Variants in PCDHGA5 observed in about 807,000 individuals in gnomAD.
PCDHGA5 encodes protocadherin gamma-A5.
Under a neutral mutation model 56.7 loss-of-function variants are expected in PCDHGA5, and 36 were observed. That is an observed-to-expected ratio of 0.64 (90% confidence interval 0.49 to 0.84). The LOEUF (loss-of-function observed/expected upper bound fraction) is 0.84, where lower values mean the gene tolerates loss of function less well. PCDHGA5 is among the 40% of genes least tolerant of loss of function. The pLI is 0.00. For synonymous variants in PCDHGA5, 563 were observed against 520.2 expected (o/e 1.08, Z -1.12); for missense variants, 1,305 against 1,201.5 (o/e 1.09, Z -1.27).
intron 1 of PCDHGA5, among the ~76,000 whole-genome samples, chr5:141,468,216 T>C (rs2099160325): frequency 6.6e-6 from 1 of 150,794 alleles, no homozygotes. Flanking sequence ...TTCCAGCTAC[T>C]TGGGAGGATG....
chr5:141,393,250 C>G, intron 1 of PCDHGA5: 11 of 1,613,824 alleles, frequency 6.8e-6, no homozygotes, highest in South Asian at 1.1e-5. Flanking sequence ...AACGAAATCG[C>G]GGTTCCTGGA....
rs748972821 is a variant in PCDHGA5 at position 141,476,094 on chromosome 5, GAGAGGAACT to G, written c.2422-18712_2422-18704del. ...TCTCAGGGACGATCTGGACCCCGCT[GAGAGGAACT>G]GCTTTTGAGTGAGATGGTCCCAGAG... is the stretch of plus-strand genomic sequence containing the variant. On this transcript the variant is annotated intron_variant, in intron 1 of 3. Coordinates refer to ENST00000518069, the MANE Select transcript of PCDHGA5 (RefSeq NM_018918.3). This position sits in a 1 kb window ranked among gnomAD's most constrained non-coding sequence, Gnocchi z 7.6. 6.4e-7 allele frequency: 1 copy of G among 1,568,172 alleles called. No individual in the cohort carries two copies. The highest frequency in any genetic ancestry group is 1.2e-5 in the South Asian group (1 of 85,292).
intron 1 of PCDHGA5, chr5:141,402,843 G>A (rs1370040306): frequency 5.7e-6 from 8 of 1,399,114 alleles, no homozygotes; most frequent in Non-Finnish European, 6.6e-6. Context: ...GCAAAACTCA[G>A]CCTCTTTCTT....
intron 1 of PCDHGA5, among the ~76,000 whole-genome samples, chr5:141,443,008 T>C (rs2098358096): frequency 1.3e-5 from 2 of 152,220 alleles, no homozygotes; most frequent in Admixed American, 1.3e-4. Context: ...TCTAAGAATA[T>C]GACTAATGGA....
At chr5:141,427,972 C>T (rs1368719718) in intron 1 of PCDHGA5, 1 of 1,593,948 alleles carries the variant, frequency 6.3e-7, no homozygotes, top group South Asian at 1.1e-5. Flanking sequence ...GTGCTGTACC[C>T]CGCGCTGGGG....
intron 1 of PCDHGA5, among the ~76,000 whole-genome samples, chr5:141,435,951 G>C (rs371199258): frequency 3.9e-5 from 6 of 152,100 alleles, no homozygotes; most frequent in African/African-American, 1.4e-4. Flanking sequence ...ACCAAAAAAG[G>C]GGGCAAAATA....
chr5:141,387,303 A>C (rs563124332), intron 1 of PCDHGA5, among the ~76,000 whole-genome samples: 1 of 152,334 alleles, frequency 6.6e-6, no homozygotes, highest in East Asian at 1.9e-4. Context: ...TATCCAGTAT[A>C]TTTCTAATGA....
intron 1 of PCDHGA5, among the ~76,000 whole-genome samples, chr5:141,454,796 ATTTTTTTTTTTTTTTTTTT>A (rs61612330): frequency 3.9e-5 from 3 of 77,408 alleles, no homozygotes; most frequent in African/African-American, 1.2e-4. Context: ...CATGGTTCTA[ATTTTTTTTTTTTTTTTTTT>A]TTTTTTTTTT....
intron 1 of PCDHGA5, chr5:141,376,235 C>T: frequency 1.2e-6 from 2 of 1,614,198 alleles, no homozygotes; most frequent in Non-Finnish European, 1.7e-6. Flanking sequence ...CAGACTGCAG[C>T]GCTGGCACAA....
intron 1 of PCDHGA5, among the ~76,000 whole-genome samples, chr5:141,438,623 TATATATATATATACACACAC>T (rs1272037524): frequency 7.0e-5 from 3 of 42,840 alleles, no homozygotes; most frequent in African/African-American, 1.6e-4. Flanking sequence ...TATATATATA[TATATATATATATACACACAC>T]ACACACACAT....
Position 141,476,819 on chromosome 5 carries a change from C to T in PCDHGA5, c.2422-17988C>T. ...CAGCCTGCCTATTCACATCAAGGTGCTGGACGCGAATGACAATGCGCCTGT... is the reference window on the plus strand; with the variant it reads ...CAGCCTGCCTATTCACATCAAGGTGTTGGACGCGAATGACAATGCGCCTGT... On this transcript the variant is annotated intron_variant, in intron 1 of 3. Coordinates refer to ENST00000518069, the MANE Select transcript of PCDHGA5 (RefSeq NM_018918.3). The surrounding 1 kb of genome is among the most constrained non-coding windows in gnomAD (Gnocchi z 7.6). 6.2e-7 allele frequency: 1 copy of T among 1,613,524 alleles called. No homozygotes were observed. The highest frequency in any genetic ancestry group is 8.5e-7 in the Non-Finnish European group (1 of 1,180,036).
Position 141,364,472 on chromosome 5 carries a change from A to G in PCDHGA5, c.142A>G (p.Ile48Val), listed in dbSNP as rs375080558. The change falls in exon 1 of 4, where the codon ATA becomes GTA. Residue 48 changes from isoleucine to valine, a missense_variant. Physicochemically the swap from Ile to Val is conservative, Grantham distance 29. Coordinates refer to ENST00000518069, the MANE Select transcript of PCDHGA5 (RefSeq NM_018918.3). ...GGACAAAGGCTCCTTCGTCGGCAAC[A>G]TAGCCAAGGACCTTGGGCTGGAGCC... is the stretch of plus-strand genomic sequence containing the variant. Reference protein sequence around the residue: ...ELDKGSFVGNIAKDLGLEPQE... With the variant: ...ELDKGSFVGNVAKDLGLEPQE... The G allele has an allele frequency of 5.6e-6, 9 of 1,614,038 alleles. No individual in the cohort carries two copies. Among genetic ancestry groups the G allele is most frequent in the South Asian group, 2.2e-5 (2 of 91,086 alleles).
chr5:141,496,589 G>A (rs914585858), intron 2 of PCDHGA5, among the ~76,000 whole-genome samples: 7 of 152,124 alleles, frequency 4.6e-5, no homozygotes, highest in Admixed American at 6.5e-5. Flanking sequence ...AACGCAAAGC[G>A]CTTCTTAGAA....
chr5:141,494,882 C>T lies in PCDHGA5; in HGVS notation c.2480+17C>T, dbSNP rs771484301. On this transcript the variant is annotated intron_variant, in intron 2 of 3. Transcript: ENST00000518069. ...CACCAGCGGGTAGGTGACTGATTCT[C>T]CAGCCCACCCTCTTCTCTGCGGCAT... is the stretch of plus-strand genomic sequence containing the variant. 35 of 1,614,128 alleles carry T rather than the reference C, an allele frequency of 2.2e-5. No homozygotes were observed. The highest frequency in any genetic ancestry group is 3.3e-4 in the Middle Eastern group (2 of 6,060).
At chr5:141,388,351 C>A in intron 1 of PCDHGA5, 1 of 1,614,016 alleles carries the variant, frequency 6.2e-7, no homozygotes. Flanking sequence ...ATATTAGGAT[C>A]TGCCCATGAT....
intron 1 of PCDHGA5, among the ~76,000 whole-genome samples, chr5:141,483,658 G>C (rs906346163): frequency 1.4e-4 from 22 of 152,028 alleles, no homozygotes; most frequent in Non-Finnish European, 2.4e-4. Context: ...TTGTGTGTGT[G>C]TGTGTGTGTG....
rs201540226 is a variant in PCDHGA5, at chr5:141,399,196, G to T, written c.2421+32445G>T. On this transcript the variant is annotated intron_variant, in intron 1 of 3. Coordinates refer to ENST00000518069, the MANE Select transcript of PCDHGA5 (RefSeq NM_018918.3). ...ACTTGAAATGATTCTGGAAAACGCG[G>T]TGCCTGGAACACTAATTGCTTTGAT... The T allele has an allele frequency of 4.2e-5, 67 of 1,613,820 alleles. 1 individual carries two copies. In the African/African-American group the frequency reaches 5.7e-4, roughly 14 times the overall value.
intron 1 of PCDHGA5, among the ~76,000 whole-genome samples, chr5:141,453,974 T>C (rs1386640440): frequency 6.6e-6 from 1 of 152,242 alleles, no homozygotes; most frequent in Non-Finnish European, 1.5e-5. Flanking sequence ...CATGTAGTTG[T>C]GTTGCCTTCC....
rs535024997 is a variant in PCDHGA5, at chr5:141,371,494, C to T, written c.2421+4743C>T. ...GATGCTGAGCTGGGGACTGCCGTTG[C>T]CCTGATCAAAACACATGATCTAGAT... On this transcript the variant is annotated intron_variant, in intron 1 of 3. Coordinates refer to ENST00000518069, the MANE Select transcript of PCDHGA5 (RefSeq NM_018918.3). The T allele has an allele frequency of 2.5e-6, 4 of 1,613,888 alleles. No individual in the cohort carries two copies. In the Admixed American group the frequency reaches 5.0e-5, roughly 20 times the overall value.
Sources: allele counts gnomAD v4.1 joint callset (sites outside exome capture counted in the v4.1 genomes callset), GRCh38; gene constraint gnomAD v4.1.1; non-coding constraint Gnocchi (gnomAD v3.1); transcripts MANE v1.5; gene names NCBI Gene and HGNC (gene_info 2026-07-23, HGNC 2026-07-21).